MLLT3: variants seen among roughly 807,000 people sequenced by gnomAD.
MLLT3 encodes the protein protein AF-9.
MLLT3 carries 4 observed loss-of-function variants against 53.2 expected under a neutral mutation model. The ratio of observed to expected loss-of-function variants is 0.08; its 90% CI spans 0.04 to 0.17. The LOEUF is 0.17. Ranked by LOEUF, MLLT3 falls within the 10% of genes least tolerant of loss-of-function variation. MLLT3 has a pLI of 1.00. For missense variants in MLLT3, 569 were observed against 684.0 expected, an observed-to-expected ratio of 0.83 and a Z score of 1.87; for synonymous variants, 283 against 230.6, an observed-to-expected ratio of 1.23 and a Z score of -2.06.
At chr9:20,350,266 A>AAAT (rs1378287397) in intron 10 of MLLT3, among the ~76,000 whole-genome samples, 2 of 152,182 alleles carry the variant, frequency 1.3e-5, no homozygotes, top group Non-Finnish European at 1.5e-5. Context: ...CGTCTGTCCA[A>AAAT]AATAATAATA....
At chr9:20,522,940 C>A (rs987939936) in intron 2 of MLLT3, among the ~76,000 whole-genome samples, 1 of 151,568 alleles carries the variant, frequency 6.6e-6, no homozygotes, top group African/African-American at 2.4e-5. Flanking sequence ...CCAGCCTGGG[C>A]AACAGAGTGA....
intron 2 of MLLT3, among the ~76,000 whole-genome samples, chr9:20,509,438 T>A (rs1429873734): frequency 1.3e-5 from 2 of 152,246 alleles, no homozygotes; most frequent in East Asian, 3.8e-4. Context: ...ACTCTTTAGT[T>A]GTGCTTGTAG....
At chr9:20,534,512 C>T (rs957315073) in intron 2 of MLLT3, among the ~76,000 whole-genome samples, 2 of 152,198 alleles carry the variant, frequency 1.3e-5, no homozygotes, top group Non-Finnish European at 1.5e-5. Context: ...TTTCACTCTG[C>T]TTTGTCCTCC....
At chr9:20,365,096 T>C (rs752506478) in intron 6 of MLLT3, among the ~76,000 whole-genome samples, 54 of 152,244 alleles carry the variant, frequency 3.5e-4, no homozygotes, top group Admixed American at 1.0e-3. Context: ...GCTTTTGCTA[T>C]TGTATTTCCT....
chr9:20,381,043 T>G (rs1821896571), intron 5 of MLLT3, among the ~76,000 whole-genome samples: 1 of 151,928 alleles, frequency 6.6e-6, no homozygotes, highest in Non-Finnish European at 1.5e-5. Context: ...TAAAATATAA[T>G]ATACTAAATA....
In MLLT3 at chr9:20,620,564, G is replaced by A. The variant is rs1290336258; in HGVS notation, c.193+90C>T. 1.7e-6 allele frequency: 2 copies of A among 1,184,466 alleles called. No individual in the cohort carries two copies. Among genetic ancestry groups the A allele is most frequent in the African/African-American group, 3.2e-5 (2 of 62,342 alleles). The allele number at this position is 1,184,466 out of a possible 1,614,324, so 73.4% of individuals were successfully genotyped here. A position where few individuals can be genotyped will look rare whatever the true frequency, so the allele number is the denominator to read the frequency against. ...GGCTACGCCGGCGAGCGCGGCGCGG[G>A]GGGCGGGGAGCGGGACAGCGGGACC... On this transcript the variant is annotated intron_variant, in intron 2 of 10. Transcript: ENST00000380338. The surrounding 1 kb of genome is among the most constrained non-coding windows in gnomAD (Gnocchi z 6.1).
At chr9:20,422,077 C>T (rs1823022966) in intron 4 of MLLT3, among the ~76,000 whole-genome samples, 1 of 152,012 alleles carries the variant, frequency 6.6e-6, no homozygotes, top group Non-Finnish European at 1.5e-5. Context: ...CAAAATCTAA[C>T]ATGTCTCAGT....
At chr9:20,352,480 CT>C (rs1821052383) in intron 10 of MLLT3, among the ~76,000 whole-genome samples, 1 of 152,170 alleles carries the variant, frequency 6.6e-6, no homozygotes, top group South Asian at 2.1e-4. Context: ...TGGTAGGCCA[CT>C]TAAGTCCTGC....
intron 2 of MLLT3, among the ~76,000 whole-genome samples, chr9:20,541,625 C>T (rs1367537520): frequency 6.6e-6 from 1 of 152,146 alleles, no homozygotes; most frequent in Non-Finnish European, 1.5e-5. Flanking sequence ...CCCCATGATC[C>T]AATCAACACC....
At chr9:20,605,082 G>C (rs1820527550) in intron 2 of MLLT3, among the ~76,000 whole-genome samples, 1 of 152,066 alleles carries the variant, frequency 6.6e-6, no homozygotes, top group African/African-American at 2.4e-5. Context: ...GCTGTAAACT[G>C]TTGAGCCATA....
At chr9:20,435,682 A>C (rs1424942094) in intron 4 of MLLT3, among the ~76,000 whole-genome samples, 1 of 152,170 alleles carries the variant, frequency 6.6e-6, no homozygotes, top group Non-Finnish European at 1.5e-5. Flanking sequence ...AGGAAAAAGG[A>C]GTACGGGAAG....
intron 2 of MLLT3, among the ~76,000 whole-genome samples, chr9:20,595,895 T>C (rs962533152): frequency 9.9e-5 from 15 of 152,202 alleles, no homozygotes; most frequent in Non-Finnish European, 7.4e-5. Context: ...CTCTGTCCAA[T>C]ACGGCAGCCA....
intron 2 of MLLT3, among the ~76,000 whole-genome samples, chr9:20,505,826 T>C (rs532288243): frequency 2.9e-4 from 44 of 152,270 alleles, no homozygotes; most frequent in Non-Finnish European, 5.0e-4. Context: ...CATGTAACAT[T>C]AGAATATATC....
chr9:20,611,136 A>G (rs1448146055), intron 2 of MLLT3, among the ~76,000 whole-genome samples: 1 of 152,136 alleles, frequency 6.6e-6, no homozygotes, highest in Non-Finnish European at 1.5e-5. Context: ...TAAAGTCTAC[A>G]ATGAACCTGG....
chr9:20,535,104 G>C (rs1818446063), intron 2 of MLLT3, among the ~76,000 whole-genome samples: 1 of 152,096 alleles, frequency 6.6e-6, no homozygotes, highest in South Asian at 2.1e-4. Flanking sequence ...GGGGCCACAC[G>C]GCAGGTCAGC....
At chr9:20,358,252 G>A (rs1284740914) in intron 8 of MLLT3, among the ~76,000 whole-genome samples, 1 of 152,030 alleles carries the variant, frequency 6.6e-6, no homozygotes, top group Non-Finnish European at 1.5e-5. Context: ...TTGTCCTCTC[G>A]GCTCCAAGAC....
At chr9:20,528,963 A>G (rs1396742541) in intron 2 of MLLT3, among the ~76,000 whole-genome samples, 1 of 152,190 alleles carries the variant, frequency 6.6e-6, no homozygotes, top group Non-Finnish European at 1.5e-5. Flanking sequence ...TGTGTACTGT[A>G]TGAAAGTTCA....
intron 10 of MLLT3, among the ~76,000 whole-genome samples, chr9:20,349,981 T>C (rs967730714): frequency 6.6e-6 from 1 of 152,220 alleles, no homozygotes; most frequent in African/African-American, 2.4e-5. Flanking sequence ...ATGGCATTAA[T>C]GATTTGAATT....
intron 2 of MLLT3, among the ~76,000 whole-genome samples, chr9:20,575,452 G>C (rs908167652): frequency 2.0e-5 from 3 of 152,064 alleles, no homozygotes; most frequent in Non-Finnish European, 4.4e-5. Flanking sequence ...TTTAAGGTTT[G>C]TGCAAAATTT....
Sources: allele counts gnomAD v4.1 joint callset (sites outside exome capture counted in the v4.1 genomes callset), GRCh38; gene constraint gnomAD v4.1.1; non-coding constraint Gnocchi (gnomAD v3.1); transcripts MANE v1.5; gene names NCBI Gene and HGNC (gene_info 2026-07-23, HGNC 2026-07-21).